The following BRINP2 variants were observed in gnomAD, a reference collection of about 807,000 sequenced individuals.
BRINP2 encodes the protein BMP/retinoic acid inducible neural specific 2.
BRINP2 carries 21 observed loss-of-function variants against 69.2 expected under a neutral mutation model. That is an observed-to-expected ratio of 0.30 (90% CI 0.22 to 0.44). The LOEUF (loss-of-function observed/expected upper bound fraction) is 0.44, where lower values mean the gene tolerates loss of function less well. Among genes scored for constraint, BRINP2 ranks in the 20% least tolerant of loss-of-function variants. The pLI is 1.00. For synonymous variants in BRINP2, 380 were observed against 394.1 expected (o/e 0.96, Z 0.42); for missense variants, 877 against 986.0 (o/e 0.89, Z 1.48).
intron 7 of BRINP2, 116 bp downstream of exon 7, chr1:177,278,901 C>G: frequency 1.0e-6 from 1 of 960,160 alleles, no homozygotes; most frequent in South Asian, 1.5e-5. Context: ...TCACACATAG[C>G]CTTCCAGTTA....
chr1:177,174,042 T>A (rs1648016627), intron 1 of BRINP2, among the ~76,000 whole-genome samples: 1 of 152,376 alleles, frequency 6.6e-6, no homozygotes, highest in Middle Eastern at 3.4e-3. Flanking sequence ...CCAGAGCTCA[T>A]CTAATTAATC....
At chr1:177,242,690 C>T (rs1377260843) in intron 2 of BRINP2, among the ~76,000 whole-genome samples, 1 of 152,178 alleles carries the variant, frequency 6.6e-6, no homozygotes, top group African/African-American at 2.4e-5. Flanking sequence ...CTTTGCTCTT[C>T]ACTAGGCTCT....
At chr1:177,214,216 G>A (rs923677138) in intron 1 of BRINP2, among the ~76,000 whole-genome samples, 16 of 152,160 alleles carry the variant, frequency 1.1e-4, no homozygotes, top group African/African-American at 3.9e-4. Context: ...TGGATCATCT[G>A]AGGTTAGGAG....
At chr1:177,231,318 A>G (rs1402634262) in intron 2 of BRINP2, among the ~76,000 whole-genome samples, 2 of 152,246 alleles carry the variant, frequency 1.3e-5, no homozygotes, top group Non-Finnish European at 2.9e-5. Flanking sequence ...AAGTAGGCAG[A>G]TTGCAGAGTC....
chr1:177,194,709 G>A lies in BRINP2; in HGVS notation c.-77+22977G>A, dbSNP rs186986889. 1.2e-3 allele frequency among the ~76,000 whole-genome samples: 190 copies of A among 152,184 alleles called. 1 individual carries two copies. Among genetic ancestry groups the A allele is most frequent in the African/African-American group, 4.1e-3 (171 of 41,508 alleles). The stretch of plus-strand genomic sequence containing the variant: ...ACTCTCTTTCCGTACATTTATGGGT[G>A]TCTCATACACATTTGCATATGGATA... On this transcript the variant is annotated intron_variant, in intron 1 of 7. Coordinates refer to ENST00000361539, the MANE Select transcript of BRINP2 (RefSeq NM_021165.4).
Position 177,281,278 on chromosome 1 carries a change from T to G in BRINP2, c.2102T>G (p.Ile701Ser), listed in dbSNP as rs1027468396. The change falls in exon 8 of 8, where the codon ATT becomes AGT. Residue 701 changes from isoleucine to serine, a missense_variant. Transcript: ENST00000361539. ...PFDPDAIRDL[I>S]LQLDYPYTQG... The stretch of plus-strand genomic sequence containing the variant: ...GACCCAGATGCTATCCGGGACTTAA[T>G]TCTCCAGTTGGACTACCCATATACT... 6.8e-6 allele frequency: 11 copies of G among 1,614,180 alleles called. No individual in the cohort carries two copies. The highest frequency in any genetic ancestry group is 9.3e-6 in the Non-Finnish European group (11 of 1,180,038).
chr1:177,280,575 GC>G lies in BRINP2; in HGVS notation c.1402del (p.His468ThrfsTer47), dbSNP rs1235288966. Reference protein sequence around the residue: ...PCALGEGPACAHCAPDNSTRC... With the variant: ...PCALGEGPACXHCAPDNSTRC... ...TGCCTTGGGCGAAGGGCCCGCGTGTGCCCACTGTGCTCCAGACAATAGCACA... is the reference window on the plus strand; with the variant it reads ...TGCCTTGGGCGAAGGGCCCGCGTGTGCCACTGTGCTCCAGACAATAGCACA... On this transcript the variant is annotated frameshift_variant, in exon 8 of 8. Coordinates refer to ENST00000361539, the MANE Select transcript of BRINP2 (RefSeq NM_021165.4). LOFTEE classifies it high-confidence loss of function. 6.2e-7 allele frequency: 1 copy of G among 1,614,042 alleles called. No individual in the cohort carries two copies. Among genetic ancestry groups the G allele is most frequent in the African/African-American group, 1.3e-5 (1 of 74,932 alleles).
At chr1:177,248,490 C>T (rs200525807) in intron 2 of BRINP2, among the ~76,000 whole-genome samples, 15 of 136,492 alleles carry the variant, frequency 1.1e-4, no homozygotes, top group African/African-American at 1.7e-4. Flanking sequence ...TGTGTGTGTG[C>T]GTGCGTGTGT....
chr1:177,252,321 TC>T (rs911070698), intron 2 of BRINP2, among the ~76,000 whole-genome samples: 6 of 152,196 alleles, frequency 3.9e-5, no homozygotes, highest in Non-Finnish European at 8.8e-5. Flanking sequence ...TTTCTTTGTT[TC>T]CCTAGTAACA....
intron 2 of BRINP2, among the ~76,000 whole-genome samples, chr1:177,238,677 A>G (rs901028207): frequency 1.3e-5 from 2 of 152,214 alleles, no homozygotes; most frequent in African/African-American, 2.4e-5. Context: ...AATCTCCCCA[A>G]TTCTCCCATG....
chr1:177,263,457 A>C (rs908558838), intron 4 of BRINP2, among the ~76,000 whole-genome samples: 2 of 152,112 alleles, frequency 1.3e-5, no homozygotes, highest in African/African-American at 4.8e-5. Context: ...ATCACAAGGG[A>C]GCGCCTTCCT....
intron 4 of BRINP2, among the ~76,000 whole-genome samples, chr1:177,261,312 G>A (rs1311084052): frequency 6.6e-6 from 1 of 152,196 alleles, no homozygotes; most frequent in African/African-American, 2.4e-5. Flanking sequence ...CAGTGGTAAA[G>A]GTAAGACATA....
chr1:177,213,095 T>C (rs1649276926), intron 1 of BRINP2, among the ~76,000 whole-genome samples: 1 of 152,340 alleles, frequency 6.6e-6, no homozygotes, highest in South Asian at 2.1e-4. Context: ...GTGTAATCTT[T>C]GATCATTTGT....
chr1:177,195,304 G>A (rs1389334021), intron 1 of BRINP2, among the ~76,000 whole-genome samples: 1 of 151,952 alleles, frequency 6.6e-6, no homozygotes, highest in Non-Finnish European at 1.5e-5. Context: ...ATAAAACAGT[G>A]TACCTAAGGG....
intron 4 of BRINP2, among the ~76,000 whole-genome samples, chr1:177,264,418 T>C (rs536396883): frequency 6.6e-6 from 1 of 152,276 alleles, no homozygotes; most frequent in Non-Finnish European, 1.5e-5. Context: ...ATGCCCTCTC[T>C]CACCACTCCT....
rs1651722534 is a variant in BRINP2, at chr1:177,282,059, C to G, written c.*531C>G. On this transcript the variant is annotated 3_prime_UTR_variant, in exon 8 of 8. Coordinates refer to ENST00000361539, the MANE Select transcript of BRINP2 (RefSeq NM_021165.4). Reference sequence around the variant, plus strand: ...TTTTGTATGCTGCCTCCTCTGTGCCCTCCCAGACGCTGACTGGGAAACACA... The same window carrying G: ...TTTTGTATGCTGCCTCCTCTGTGCCGTCCCAGACGCTGACTGGGAAACACA... 1 of 152,848 alleles carries G rather than the reference C, an allele frequency of 6.5e-6. No individual in the cohort carries two copies. Among genetic ancestry groups the G allele is most frequent in the Non-Finnish European group, 1.5e-5 (1 of 68,184 alleles). 9.5% of individuals were successfully genotyped at this position (152,848 alleles called of 1,614,324 possible).
At chr1:177,218,631 C>G (rs987677175) in intron 1 of BRINP2, among the ~76,000 whole-genome samples, 3 of 152,046 alleles carry the variant, frequency 2.0e-5, no homozygotes, top group Non-Finnish European at 4.4e-5. Flanking sequence ...TGGGAAGCAC[C>G]TCAAAATGCT....
intron 7 of BRINP2, 119 bp from the exon 8 acceptor site, chr1:177,280,293 G>A: frequency 1.9e-6 from 2 of 1,058,604 alleles, no homozygotes; most frequent in South Asian, 3.1e-5. Flanking sequence ...AGAGATCTTG[G>A]GGATTTTATT....
intron 1 of BRINP2, among the ~76,000 whole-genome samples, chr1:177,227,610 G>A (rs538851085): frequency 7.0e-4 from 101 of 145,320 alleles, no homozygotes; most frequent in Non-Finnish European, 1.2e-3. Flanking sequence ...TTTCAAAAGA[G>A]TTTTTTTTTT....
Sources: allele counts gnomAD v4.1 joint callset (sites outside exome capture counted in the v4.1 genomes callset), GRCh38; gene constraint gnomAD v4.1.1; transcripts MANE v1.5; gene names NCBI Gene and HGNC (gene_info 2026-07-23, HGNC 2026-07-21).